ZMAT4: variants seen among roughly 807,000 people sequenced by gnomAD.
ZMAT4 encodes the protein zinc finger matrin-type 4.
A neutral mutation model predicts 28.7 loss-of-function variants in ZMAT4; 17 were observed. That is an observed-to-expected ratio of 0.59 (90% CI 0.41 to 0.89). The LOEUF (loss-of-function observed/expected upper bound fraction) is 0.89. ZMAT4 is among the 40% of genes least tolerant of loss of function. The pLI, the probability that ZMAT4 is intolerant of heterozygous loss-of-function variation, is 0.00. For synonymous variants in ZMAT4, 117 were observed against 109.2 expected (o/e 1.07, Z -0.44); for missense variants, 240 against 283.8 (o/e 0.85, Z 1.11).
chr8:40,741,934 T>C (rs1585975828), intron 3 of ZMAT4, among the ~76,000 whole-genome samples: 1 of 152,316 alleles, frequency 6.6e-6, no homozygotes, highest in East Asian at 1.9e-4. Flanking sequence ...GACTAAACTA[T>C]TTTAGTATAT....
intron 1 of ZMAT4, among the ~76,000 whole-genome samples, chr8:40,853,642 G>T (rs1195067452): frequency 6.6e-6 from 1 of 152,144 alleles, no homozygotes; most frequent in Non-Finnish European, 1.5e-5. Context: ...TTTGTTTTTG[G>T]TTTCTTTTTA....
chr8:40,772,721 A>C (rs1423749230), intron 2 of ZMAT4, among the ~76,000 whole-genome samples: 1 of 152,192 alleles, frequency 6.6e-6, no homozygotes, highest in African/African-American at 2.4e-5. Context: ...CCACCATCTT[A>C]TTTCATCAGA....
At chr8:40,673,524 G>T (rs993541189) in intron 5 of ZMAT4, among the ~76,000 whole-genome samples, 1 of 152,058 alleles carries the variant, frequency 6.6e-6, no homozygotes, top group African/African-American at 2.4e-5. Context: ...GCCCACAAAA[G>T]CTCATCAAAC....
At chr8:40,601,575 AAAGAAAGAAAG>A (rs1805340399) in intron 5 of ZMAT4, among the ~76,000 whole-genome samples, 2 of 6,448 alleles carry the variant, frequency 3.1e-4, no homozygotes, top group African/African-American at 5.6e-4. Flanking sequence ...AGAAAGAAAG[AAAGAAAGAAAG>A]AAAGAAAGAA....
At chr8:40,581,100 C>A in intron 6 of ZMAT4, 65 bp downstream of exon 6, 1 of 1,299,564 alleles carries the variant, frequency 7.7e-7, no homozygotes, top group Non-Finnish European at 1.1e-6. Flanking sequence ...AAATGTTGAG[C>A]CTTTAGTCAT....
intron 5 of ZMAT4, among the ~76,000 whole-genome samples, chr8:40,636,681 G>C (rs990372201): frequency 6.6e-6 from 1 of 152,194 alleles, no homozygotes; most frequent in Non-Finnish European, 1.5e-5. Flanking sequence ...GGAGCTTTGA[G>C]TACCAAAGAG....
Position 40,697,384 on chromosome 8 carries a change from C to G in ZMAT4, c.210G>C (p.Met70Ile). The G allele has an allele frequency of 6.3e-7, 1 of 1,595,536 alleles. No individual in the cohort carries two copies. Among genetic ancestry groups the G allele is most frequent in the East Asian group, 2.3e-5 (1 of 44,172 alleles). The stretch of plus-strand genomic sequence containing the variant: ...GTGTGCAGCACTTGTTCTTATCCAC[C>G]ATGTCGGCATCACTTCCCTGCGCAG... ...LRSENGSDAD[M>I]VDKNKCCTLC... Residue 70 changes from methionine (M) to isoleucine (I), a missense_variant, in exon 4 of 7, where the codon ATG becomes ATC. Transcript: ENST00000297737.
intron 5 of ZMAT4, among the ~76,000 whole-genome samples, chr8:40,623,001 A>G (rs183787045): frequency 9.2e-5 from 14 of 152,350 alleles, no homozygotes; most frequent in Non-Finnish European, 8.8e-5. Context: ...GTTACACTTC[A>G]TTTGGCAAAG....
intron 1 of ZMAT4, among the ~76,000 whole-genome samples, chr8:40,847,218 C>CAAAAAA (rs3070386): frequency 8.3e-6 from 1 of 120,442 alleles, no homozygotes; most frequent in African/African-American, 3.1e-5. Context: ...AACAAACAAA[C>CAAAAAA]AAAAAAAAAA....
chr8:40,851,887 AT>A, intron 1 of ZMAT4, among the ~76,000 whole-genome samples: 1 of 152,010 alleles, frequency 6.6e-6, no homozygotes, highest in South Asian at 2.1e-4. Flanking sequence ...TCTAGCTGCA[AT>A]TTTTTATTTA....
At chr8:40,625,939 CAT>C in intron 5 of ZMAT4, among the ~76,000 whole-genome samples, 1 of 152,136 alleles carries the variant, frequency 6.6e-6, no homozygotes, top group East Asian at 1.9e-4. Context: ...TGGAGAAACC[CAT>C]CTCTACTAAA....
intron 1 of ZMAT4, among the ~76,000 whole-genome samples, chr8:40,875,911 G>A (rs758762034): frequency 2.6e-5 from 4 of 152,182 alleles, no homozygotes; most frequent in Non-Finnish European, 5.9e-5. Flanking sequence ...AAGTGATGTG[G>A]GAATGGGAAA....
chr8:40,699,043 T>C (rs915677243), intron 3 of ZMAT4, among the ~76,000 whole-genome samples: 1 of 152,090 alleles, frequency 6.6e-6, no homozygotes, highest in Non-Finnish European at 1.5e-5. Context: ...TTTAGTTCTG[T>C]GTGGAATACT....
intron 5 of ZMAT4, among the ~76,000 whole-genome samples, chr8:40,662,851 G>A (rs192860387): frequency 1.3e-5 from 2 of 152,168 alleles, no homozygotes; most frequent in Admixed American, 1.3e-4. Context: ...TTTGCTAACT[G>A]GGAGAGCACT....
chr8:40,847,215 AAAC>A (rs1360229562), intron 1 of ZMAT4, among the ~76,000 whole-genome samples: 2,169 of 94,454 alleles, frequency 0.023, 76 homozygotes, highest in Admixed American at 0.12. Flanking sequence ...AAAAACAAAC[AAAC>A]AAAAAAAAAA....
chr8:40,589,286 G>C (rs1338859052), intron 5 of ZMAT4, among the ~76,000 whole-genome samples: 1 of 152,186 alleles, frequency 6.6e-6, no homozygotes, highest in East Asian at 1.9e-4. Context: ...TAGCTAGTGG[G>C]AGACAGAGTT....
chr8:40,888,037 T>C (rs1001717827), intron 1 of ZMAT4, among the ~76,000 whole-genome samples: 1 of 152,184 alleles, frequency 6.6e-6, no homozygotes, highest in Non-Finnish European at 1.5e-5. Flanking sequence ...CCATGAATCC[T>C]GTGAGTCCGT....
At chr8:40,568,048 T>C (rs1056025889) in intron 6 of ZMAT4, among the ~76,000 whole-genome samples, 1 of 152,108 alleles carries the variant, frequency 6.6e-6, no homozygotes, top group Non-Finnish European at 1.5e-5. Context: ...AAATTCCACG[T>C]AGAGAATCCC....
chr8:40,584,545 G>A (rs1027523177), intron 5 of ZMAT4, among the ~76,000 whole-genome samples: 2 of 152,086 alleles, frequency 1.3e-5, no homozygotes, highest in African/African-American at 2.4e-5. Flanking sequence ...GTGAAAATTC[G>A]TGAAACTTGC....
Sources: allele counts gnomAD v4.1 joint callset (sites outside exome capture counted in the v4.1 genomes callset), GRCh38; gene constraint gnomAD v4.1.1; transcripts MANE v1.5; gene names NCBI Gene and HGNC (gene_info 2026-07-23, HGNC 2026-07-21).